The following CSRP2 variants were observed in gnomAD, a reference collection of about 807,000 sequenced individuals.
CSRP2 encodes cysteine and glycine rich protein 2, also known as cysteine and glycine-rich protein 2.
In CSRP2, 18 loss-of-function variants were observed where a neutral mutation model predicts 24.6. The ratio of observed to expected loss-of-function variants is 0.73; its 90% CI spans 0.51 to 1.09. CSRP2 has a LOEUF of 1.09. Among genes scored for constraint, CSRP2 ranks in the 50% least tolerant of loss-of-function variants. The pLI is 0.00. For missense variants in CSRP2, 215 were observed against 239.4 expected (o/e 0.90, Z 0.67); for synonymous variants, 87 against 84.3 (o/e 1.03, Z -0.18).
Position 76,863,358 on chromosome 12 carries a change from A to T in CSRP2, c.113-14T>A, listed in dbSNP as rs1164811818. The T allele has an allele frequency of 6.2e-7, 1 of 1,613,078 alleles. No individual in the cohort carries two copies. Among genetic ancestry groups the T allele is most frequent in the East Asian group, 2.2e-5 (1 of 44,868 alleles). ...TCCTGCAAACCACTGCAGGGGAAAA[A>T]GTTAGACTTTACACATGTTCCAAAG... On this transcript the variant is annotated splice_polypyrimidine_tract_variant and intron_variant, in intron 2 of 5. Coordinates refer to ENST00000311083, the MANE Select transcript of CSRP2 (RefSeq NM_001321.3).
chr12:76,859,871 C>T (rs1219824469), intron 4 of CSRP2, among the ~76,000 whole-genome samples: 1 of 152,230 alleles, frequency 6.6e-6, no homozygotes, highest in Admixed American at 6.5e-5. Flanking sequence ...GCCCAGTCTG[C>T]TCCTTTAAAG....
At position 76,860,294 on chromosome 12, in the gene CSRP2, C is replaced by T. The variant is rs769008153; in HGVS notation, c.401G>A (p.Gly134Glu). The T allele has an allele frequency of 6.2e-7, 1 of 1,613,800 alleles. No homozygotes were observed. Among genetic ancestry groups the T allele is most frequent in the South Asian group, 1.1e-5 (1 of 91,036 alleles). ...DSVYAAEKII[G>E]AGKPWHKNCF... ...CAAATAGCACTTTACCTTTCCAGCT[C>T]CAATTATCTTCTCGGCAGCATATAC... The change falls in exon 4 of 6, where the codon GGA becomes GAA. Residue 134 changes from glycine to glutamate, a missense_variant. Gly to Glu is a moderately conservative substitution (Grantham distance 98). Transcript: ENST00000311083.
intron 2 of CSRP2, chr12:76,864,396 A>G (rs973555213): frequency 6.6e-6 from 1 of 152,198 alleles, no homozygotes; most frequent in African/African-American, 2.4e-5. Flanking sequence ...GTTAGAATGA[A>G]TAAGATCTAG....
intron 3 of CSRP2, chr12:76,862,934 A>G: frequency 2.0e-6 from 3 of 1,510,412 alleles, no homozygotes; most frequent in Non-Finnish European, 2.6e-6. Flanking sequence ...TTTTGAGAAC[A>G]CGACTCCTTG....
intron 1 of CSRP2, among the ~76,000 whole-genome samples, chr12:76,874,447 G>A (rs532807820): frequency 6.6e-6 from 1 of 152,310 alleles, no homozygotes; most frequent in East Asian, 1.9e-4. Context: ...GGAAATGGAT[G>A]AGAACTATCT....
chr12:76,858,962 T>C lies in CSRP2; in HGVS notation c.572A>G (p.His191Arg), dbSNP rs146063685. Residue 191 changes from histidine (H) to arginine (R), a missense_variant, in exon 6 of 6, where the codon CAT becomes CGT. Transcript: ENST00000311083. ...GYGQGAGALV[H>R]AQ ...TTCAGGGTTTACATCTTACTGGGCA[T>C]GAACAAGAGCCCCTGCTCCTTGGCC... 3.7e-6 allele frequency: 6 copies of C among 1,614,124 alleles called. No individual in the cohort carries two copies. The highest frequency in any genetic ancestry group is 1.1e-5 in the South Asian group (1 of 91,082).
intron 4 of CSRP2, 131 bp from the exon 5 acceptor site, chr12:76,859,771 G>C (rs2071326): frequency 1.6e-6 from 1 of 633,420 alleles, no homozygotes; most frequent in Non-Finnish European, 2.8e-6. Context: ...CAGCTCCAAT[G>C]AGAAGGCTGA....
rs147265606 is a variant in CSRP2, at chr12:76,863,220, C to G, written c.237G>C (p.Thr79=). ...KGYGYGQGAG[T]LNMDRGERLG... is the part of the protein sequence containing the mutation. ...GCCTCTCGCCACGGTCCATGTTAAG[C>G]GTGCCAGCGCCCTGGCCATAACCGT... Residue 79 remains threonine (T), a synonymous_variant, in exon 3 of 6, where the codon ACG becomes ACC. Coordinates refer to ENST00000311083, the MANE Select transcript of CSRP2 (RefSeq NM_001321.3). 4 of 1,614,178 alleles carry G rather than the reference C, an allele frequency of 2.5e-6. No homozygotes were observed.
chr12:76,862,644 C>A (rs975987940), intron 3 of CSRP2: 4 of 920,328 alleles, frequency 4.3e-6, no homozygotes, highest in Non-Finnish European at 5.8e-6. Flanking sequence ...CACCTTGATA[C>A]GTTGGCAACA....
intron 1 of CSRP2, among the ~76,000 whole-genome samples, chr12:76,871,445 AAC>A (rs971366649): frequency 6.6e-6 from 1 of 152,254 alleles, no homozygotes; most frequent in African/African-American, 2.4e-5. Flanking sequence ...AAAGTAAAGC[AAC>A]AGTTCCACAT....
At chr12:76,875,184 A>G (rs1953841581) in intron 1 of CSRP2, among the ~76,000 whole-genome samples, 1 of 152,202 alleles carries the variant, frequency 6.6e-6, no homozygotes, top group South Asian at 2.1e-4. Context: ...ACTAGCGGTC[A>G]GTAAGTGGTC....
At chr12:76,860,523 G>T in intron 3 of CSRP2, 110 bp from the exon 4 acceptor site, 9 of 1,332,552 alleles carry the variant, frequency 6.8e-6, no homozygotes, top group Non-Finnish European at 8.2e-6. Flanking sequence ...CTGCCTCAAA[G>T]CTGGAAGCCT....
At chr12:76,871,512 T>C (rs981689904) in intron 1 of CSRP2, among the ~76,000 whole-genome samples, 5 of 152,220 alleles carry the variant, frequency 3.3e-5, no homozygotes, top group Non-Finnish European at 5.9e-5. Flanking sequence ...GGCTCACGCC[T>C]GTAATCCCAG....
At chr12:76,868,880 C>A (rs1338483733) in intron 1 of CSRP2, among the ~76,000 whole-genome samples, 1 of 151,022 alleles carries the variant, frequency 6.6e-6, no homozygotes, top group Non-Finnish European at 1.5e-5. Context: ...TTGCAGTGAG[C>A]CGAGATTGTG....
chr12:76,862,487 G>A (rs7312867), intron 3 of CSRP2: 97,797 of 172,176 alleles, frequency 0.57, 27,937 homozygotes, highest in East Asian at 0.68. Context: ...GTTGCAGTGA[G>A]CCGAGATTGT....
rs759809089 is a variant in CSRP2 at position 76,860,425 on chromosome 12, A to T, written c.282-12T>A. ...TGTGAGGCTGAACACTTGTGAAAAG[A>T]GGAAAAAAAAAGTAGGCAAGAGTTT... On this transcript the variant is annotated splice_polypyrimidine_tract_variant and intron_variant, in intron 3 of 5. Coordinates refer to ENST00000311083, the MANE Select transcript of CSRP2 (RefSeq NM_001321.3). The T allele has an allele frequency of 3.8e-6, 6 of 1,559,976 alleles. No individual in the cohort carries two copies. The African/African-American group carries it at 7.8e-5, about 20-fold the overall frequency.
chr12:76,864,544 TAACA>T (rs973055262), intron 2 of CSRP2: 3 of 152,016 alleles, frequency 2.0e-5, no homozygotes, highest in Non-Finnish European at 4.4e-5. Flanking sequence ...ATGATGTGAT[TAACA>T]TACATTGTAT....
chr12:76,864,537 A>T (rs963384725), intron 2 of CSRP2: 1 of 152,058 alleles, frequency 6.6e-6, no homozygotes, highest in African/African-American at 2.4e-5. Context: ...ATTTAAGATG[A>T]TGTGATTAAC....
chr12:76,862,609 A>T, intron 3 of CSRP2: 1 of 605,110 alleles, frequency 1.7e-6, no homozygotes, highest in Non-Finnish European at 2.4e-6. Context: ...AATATGAAAT[A>T]CTAAGTGAAC....
Sources: allele counts gnomAD v4.1 joint callset (sites outside exome capture counted in the v4.1 genomes callset), GRCh38; gene constraint gnomAD v4.1.1; transcripts MANE v1.5; gene names NCBI Gene and HGNC (gene_info 2026-07-23, HGNC 2026-07-21).